Variants in TANC1 observed in about 807,000 individuals in gnomAD.
TANC1 encodes tetratricopeptide repeat, ankyrin repeat and coiled-coil containing 1.
Under a neutral mutation model 149.7 loss-of-function variants are expected in TANC1, and 77 were observed. The observed-to-expected ratio is 0.51, with a 90% CI of 0.43 to 0.62. TANC1 has a LOEUF of 0.62. Ranked by LOEUF, TANC1 falls within the 20% of genes least tolerant of loss-of-function variation. The pLI is 0.00. For missense variants in TANC1, 1,985 were observed against 2,321.8 expected, an observed-to-expected ratio of 0.85 and a Z score of 2.98; for synonymous variants, 854 against 925.0, an observed-to-expected ratio of 0.92 and a Z score of 1.39.
intron 19 of TANC1, among the ~76,000 whole-genome samples, chr2:159,209,172 T>G (rs1204716252): frequency 6.6e-6 from 1 of 152,166 alleles, no homozygotes. Context: ...GCTGGCAGTG[T>G]TGGAGGCTTG....
chr2:159,017,951 T>G (rs1287927062), intron 2 of TANC1, among the ~76,000 whole-genome samples: 1 of 152,188 alleles, frequency 6.6e-6, no homozygotes, highest in Non-Finnish European at 1.5e-5. Context: ...ATTGGGATGT[T>G]CTCCTATGTG....
chr2:159,030,526 T>A (rs549221000), intron 2 of TANC1, among the ~76,000 whole-genome samples: 1 of 152,280 alleles, frequency 6.6e-6, no homozygotes, highest in Non-Finnish European at 1.5e-5. Context: ...AGCTTTGAAG[T>A]GGTTGATAAG....
At chr2:159,095,650 C>T (rs759983047) in intron 3 of TANC1, among the ~76,000 whole-genome samples, 2 of 147,520 alleles carry the variant, frequency 1.4e-5, no homozygotes, top group East Asian at 2.0e-4. Context: ...GCAGGAGAAT[C>T]GCTTGAACCC....
At chr2:159,112,663 G>T (rs536049924) in intron 4 of TANC1, among the ~76,000 whole-genome samples, 172 of 151,734 alleles carry the variant, frequency 1.1e-3, no homozygotes, top group African/African-American at 4.1e-3. Flanking sequence ...GAACTCCTGG[G>T]CTCCTGGGTG....
At chr2:158,981,045 G>A (rs936970860) in intron 1 of TANC1, among the ~76,000 whole-genome samples, 1 of 152,008 alleles carries the variant, frequency 6.6e-6, no homozygotes, top group Non-Finnish European at 1.5e-5. Flanking sequence ...TGGAGGCTAG[G>A]TCTAAAAGCA....
At chr2:159,050,015 G>A (rs1351677471) in intron 2 of TANC1, among the ~76,000 whole-genome samples, 1 of 152,204 alleles carries the variant, frequency 6.6e-6, no homozygotes. Context: ...CAGAGAAAGA[G>A]ACCCAAGAAT....
intron 3 of TANC1, among the ~76,000 whole-genome samples, chr2:159,082,173 G>A (rs1013530997): frequency 1.8e-4 from 27 of 152,134 alleles, no homozygotes; most frequent in Admixed American, 1.2e-3. Context: ...TTTTCTGGTC[G>A]TGTGATCCCA....
At chr2:159,155,489 T>A (rs527911262) in intron 7 of TANC1, among the ~76,000 whole-genome samples, 2 of 152,334 alleles carry the variant, frequency 1.3e-5, no homozygotes, top group Non-Finnish European at 2.9e-5. Context: ...GACAGTTCCA[T>A]GAAGGGAGGG....
rs1352448910 is a variant in TANC1 at position 159,229,721 on chromosome 2, T to C, written c.4295T>C (p.Leu1432Pro). 4 of 1,613,724 alleles carry C rather than the reference T, an allele frequency of 2.5e-6. No homozygotes were observed. Among genetic ancestry groups the C allele is most frequent in the Non-Finnish European group, 3.4e-6 (4 of 1,179,968 alleles). ...CAACAGCAAAAACAGCAGGGCCCGC[T>C]ACCAGCTCCACTCAACGACTCCGAG... Reference protein sequence around the residue: ...RSQQQKQQGPLPAPLNDSENE... With the variant: ...RSQQQKQQGPPPAPLNDSENE... Residue 1432 changes from leucine (L) to proline (P), a missense_variant, in exon 27 of 27, where the codon CTA becomes CCA. Physicochemically the swap from Leu to Pro is moderately conservative, Grantham distance 98. Coordinates refer to ENST00000263635, the MANE Select transcript of TANC1 (RefSeq NM_033394.3).
At chr2:158,981,685 A>G (rs1380063462) in intron 1 of TANC1, among the ~76,000 whole-genome samples, 1 of 151,452 alleles carries the variant, frequency 6.6e-6, no homozygotes, top group Non-Finnish European at 1.5e-5. Flanking sequence ...ATATCTTGAG[A>G]CTATAAACCA....
At chr2:159,046,062 C>A in intron 2 of TANC1, among the ~76,000 whole-genome samples, 1 of 151,890 alleles carries the variant, frequency 6.6e-6, no homozygotes. Context: ...GTGTATTGCC[C>A]ATAGAGATTT....
chr2:159,024,972 G>C (rs1298872429), intron 2 of TANC1, among the ~76,000 whole-genome samples: 2 of 151,976 alleles, frequency 1.3e-5, no homozygotes, highest in Non-Finnish European at 2.9e-5. Context: ...TGTTACATTC[G>C]CACAGCAATG....
intron 2 of TANC1, among the ~76,000 whole-genome samples, chr2:159,039,164 G>A (rs2040429715): frequency 6.6e-6 from 1 of 152,060 alleles, no homozygotes; most frequent in South Asian, 2.1e-4. Context: ...TTCTCTGATT[G>A]TAGTTTGTAT....
chr2:159,136,049 T>TGTGTGTGCGC (rs758453978), intron 4 of TANC1, 145 bp from the exon 5 acceptor site: 1 of 90,770 alleles, frequency 1.1e-5, no homozygotes, highest in African/African-American at 8.2e-5. Flanking sequence ...TGTGTGTGTG[T>TGTGTGTGCGC]GCGCGCGCGC....
In TANC1 at chr2:159,171,565, A is replaced by T. The variant is rs1441539771; in HGVS notation, c.1352-556A>T. Among the ~76,000 whole-genome samples, 3 of 152,298 alleles carry T rather than the reference A, an allele frequency of 2.0e-5. No homozygotes were observed. In the East Asian group the frequency reaches 5.8e-4, roughly 29 times the overall value. On this transcript the variant is annotated intron_variant, in intron 10 of 26. Coordinates refer to ENST00000263635, the MANE Select transcript of TANC1 (RefSeq NM_033394.3). Reference sequence around the variant, plus strand: ...CTTGAGCCCAGTAAATGAAGGCTGCAGTGAGCTGGGATTGTGCCACTGCCC... The same window carrying T: ...CTTGAGCCCAGTAAATGAAGGCTGCTGTGAGCTGGGATTGTGCCACTGCCC...
At chr2:158,978,891 T>C (rs1460537982) in intron 1 of TANC1, among the ~76,000 whole-genome samples, 1 of 152,214 alleles carries the variant, frequency 6.6e-6, no homozygotes, top group African/African-American at 2.4e-5. Context: ...TTTTGAACAT[T>C]ATAAATTGCC....
intron 19 of TANC1, among the ~76,000 whole-genome samples, chr2:159,202,993 G>A (rs1009730993): frequency 6.6e-6 from 1 of 152,110 alleles, no homozygotes; most frequent in Non-Finnish European, 1.5e-5. Context: ...CAAGTTCCAA[G>A]CCACACTCAA....
Position 159,203,914 on chromosome 2 carries a change from C to A in TANC1, c.3244+4861C>A, listed in dbSNP as rs537242877. Among the ~76,000 whole-genome samples, 1,051 of 152,320 alleles carry A rather than the reference C, an allele frequency of 6.9e-3. 7 individuals are homozygous for A. The highest frequency in any genetic ancestry group is 0.011 in the Non-Finnish European group (778 of 68,032). ...TGTGAAGGCAGAAATTTCCCTGTCT[C>A]TTGTCCACACCATTGTGTATGGCAA... On this transcript the variant is annotated intron_variant, in intron 19 of 26. Transcript: ENST00000263635.
chr2:159,199,157 T>G, intron 19 of TANC1, 104 bp downstream of exon 19: 1 of 763,040 alleles, frequency 1.3e-6, no homozygotes, highest in Non-Finnish European at 2.2e-6. Flanking sequence ...TAGTCCTGTT[T>G]CTATTTTATC....
Sources: allele counts gnomAD v4.1 joint callset (sites outside exome capture counted in the v4.1 genomes callset), GRCh38; gene constraint gnomAD v4.1.1; transcripts MANE v1.5; gene names NCBI Gene and HGNC (gene_info 2026-07-23, HGNC 2026-07-21).